Variants in MAML2 observed in about 807,000 individuals in gnomAD.
MAML2 encodes mastermind-like protein 2.
Under a neutral mutation model 96.1 loss-of-function variants are expected in MAML2, and 22 were observed. The observed-to-expected ratio is 0.23, with a 90% confidence interval of 0.16 to 0.33. The LOEUF is 0.33. Ranked by LOEUF, MAML2 falls within the 10% of genes least tolerant of loss-of-function variation. The pLI is 1.00. For missense variants in MAML2, 1,367 were observed against 1,392.4 expected, an observed-to-expected ratio of 0.98 and a Z score of 0.29; for synonymous variants, 561 against 521.3, an observed-to-expected ratio of 1.08 and a Z score of -1.04.
chr11:96,017,514 C>T (rs963117190), intron 2 of MAML2, among the ~76,000 whole-genome samples: 3 of 151,112 alleles, frequency 2.0e-5, no homozygotes, highest in African/African-American at 4.9e-5. Context: ...CCTCATGAAA[C>T]CAACATTTTA....
intron 1 of MAML2, among the ~76,000 whole-genome samples, chr11:96,153,844 G>C (rs1442740636): frequency 6.6e-6 from 1 of 152,084 alleles, no homozygotes; most frequent in Non-Finnish European, 1.5e-5. Context: ...CTGGGAGGCA[G>C]AGGTTGTAGT....
chr11:96,047,930 A>AAAAAAAAG (rs1555001442), intron 2 of MAML2, among the ~76,000 whole-genome samples: 43 of 127,388 alleles, frequency 3.4e-4, no homozygotes, highest in Admixed American at 5.7e-4. Flanking sequence ...AAAAAAAAAA[A>AAAAAAAAG]AAAAGAAAAA....
intron 1 of MAML2, among the ~76,000 whole-genome samples, chr11:96,166,217 CCCA>C (rs1565235099): frequency 8.3e-6 from 1 of 120,668 alleles, no homozygotes; most frequent in African/African-American, 3.5e-5. Flanking sequence ...ACACACACAC[CCCA>C]CATTATGAAG....
intron 1 of MAML2, among the ~76,000 whole-genome samples, chr11:96,109,948 A>G (rs533156312): frequency 6.6e-6 from 1 of 152,268 alleles, no homozygotes; most frequent in East Asian, 1.9e-4. Flanking sequence ...AAAGGGTGGG[A>G]ATGAAACTCT....
intron 1 of MAML2, among the ~76,000 whole-genome samples, chr11:96,136,169 A>T (rs1222924361): frequency 2.0e-5 from 3 of 152,152 alleles, no homozygotes; most frequent in African/African-American, 7.2e-5. Flanking sequence ...GTTATATCTA[A>T]ATATAAATCT....
chr11:96,166,801 T>C (rs1037428717), intron 1 of MAML2, among the ~76,000 whole-genome samples: 2 of 152,206 alleles, frequency 1.3e-5, no homozygotes, highest in South Asian at 4.1e-4. Flanking sequence ...AAAAACAAGG[T>C]GACTCCTCTA....
intron 1 of MAML2, among the ~76,000 whole-genome samples, chr11:96,191,917 C>G (rs1185473155): frequency 6.6e-6 from 1 of 152,170 alleles, no homozygotes; most frequent in African/African-American, 2.4e-5. Context: ...AATGGATCAT[C>G]ATGTGAGTTC....
chr11:96,062,710 C>A (rs1293170164), intron 2 of MAML2, among the ~76,000 whole-genome samples: 1 of 152,178 alleles, frequency 6.6e-6, no homozygotes, highest in Non-Finnish European at 1.5e-5. Flanking sequence ...CCAAAGGGTG[C>A]CCAGTCCATT....
At chr11:96,161,286 T>A (rs1037717462) in intron 1 of MAML2, among the ~76,000 whole-genome samples, 1 of 152,158 alleles carries the variant, frequency 6.6e-6, no homozygotes, top group Non-Finnish European at 1.5e-5. Flanking sequence ...CACAAATCAA[T>A]CACAAAGGAA....
chr11:96,208,380 T>G (rs16923279), intron 1 of MAML2, among the ~76,000 whole-genome samples: 11,234 of 152,294 alleles, frequency 0.074, 470 homozygotes, highest in African/African-American at 0.096. Context: ...AAGAACGTTT[T>G]GTACATTCTG....
At chr11:96,150,496 A>G (rs1013554204) in intron 1 of MAML2, among the ~76,000 whole-genome samples, 1 of 152,148 alleles carries the variant, frequency 6.6e-6, no homozygotes, top group Non-Finnish European at 1.5e-5. Context: ...AGACGTCAGC[A>G]TTTCTTGAAG....
chr11:96,285,900 G>A (rs1434338644), intron 1 of MAML2, among the ~76,000 whole-genome samples: 1 of 152,202 alleles, frequency 6.6e-6, no homozygotes, highest in African/African-American at 2.4e-5. Flanking sequence ...TTCAACCATT[G>A]TGGAAGAGAG....
At position 96,269,901 on chromosome 11, in the gene MAML2, A is replaced by C. The variant is rs1862891111; in HGVS notation, c.513+71482T>G. On this transcript the variant is annotated intron_variant, in intron 1 of 4. Transcript: ENST00000524717. The stretch of plus-strand genomic sequence containing the variant: ...CCCTCTGGGAGTTTCTATCCCCTTG[A>C]CCTCTAAACGTTGGGAGCCCCAGAG... Among the ~76,000 whole-genome samples the C allele has an allele frequency of 2.1e-5, 3 of 143,462 alleles. 1 individual carries two copies. In the Admixed American group the frequency reaches 2.2e-4, roughly 11 times the overall value. The allele number at this position is 143,462 out of a possible 152,430, so 94.1% of individuals were successfully genotyped here.
intron 2 of MAML2, among the ~76,000 whole-genome samples, chr11:96,046,140 G>A (rs1279179552): frequency 6.6e-6 from 1 of 152,056 alleles, no homozygotes; most frequent in Admixed American, 6.5e-5. Flanking sequence ...GGAGGAGAGA[G>A]GGGAGCAGGC....
At chr11:96,126,415 A>G (rs1437733621) in intron 1 of MAML2, among the ~76,000 whole-genome samples, 3 of 139,720 alleles carry the variant, frequency 2.1e-5, no homozygotes, top group African/African-American at 8.1e-5. Flanking sequence ...AAAATTAGCC[A>G]GGTGTAGTAG....
At chr11:96,163,853 T>C (rs1861150337) in intron 1 of MAML2, among the ~76,000 whole-genome samples, 1 of 123,728 alleles carries the variant, frequency 8.1e-6, no homozygotes, top group African/African-American at 3.0e-5. Flanking sequence ...GAGCTTTCTT[T>C]CTCTCTTTCT....
At chr11:96,128,383 G>A (rs1280691985) in intron 1 of MAML2, among the ~76,000 whole-genome samples, 1 of 152,074 alleles carries the variant, frequency 6.6e-6, no homozygotes, top group East Asian at 1.9e-4. Context: ...AACAGACAGT[G>A]GGAGGCTCAG....
chr11:96,238,443 G>T (rs1434590701), intron 1 of MAML2, among the ~76,000 whole-genome samples: 1 of 152,204 alleles, frequency 6.6e-6, no homozygotes, highest in African/African-American at 2.4e-5. Flanking sequence ...CAGAGAAAAA[G>T]AACCCAATTT....
chr11:96,281,350 C>T (rs927862311), intron 1 of MAML2, among the ~76,000 whole-genome samples: 2 of 152,030 alleles, frequency 1.3e-5, no homozygotes, highest in African/African-American at 2.4e-5. Context: ...CAAGAGAGTG[C>T]TAGTGTTGCC....
Sources: allele counts gnomAD v4.1 joint callset (sites outside exome capture counted in the v4.1 genomes callset), GRCh38; gene constraint gnomAD v4.1.1; transcripts MANE v1.5; gene names NCBI Gene and HGNC (gene_info 2026-07-23, HGNC 2026-07-21).